RFPL3: variants seen among roughly 807,000 people sequenced by gnomAD.
RFPL3 encodes the protein ret finger protein like 3.
A neutral mutation model predicts 8.7 loss-of-function variants in RFPL3; 8 were observed. The ratio of observed to expected loss-of-function variants is 0.92; its 90% CI spans 0.54 to 1.66. RFPL3 has a LOEUF of 1.66. Ranked by LOEUF, RFPL3 falls within the 40% of genes most tolerant of loss-of-function variation. The pLI is 0.00. For synonymous variants in RFPL3, 145 were observed against 150.5 expected, an observed-to-expected ratio of 0.96 and a Z score of 0.27; for missense variants, 341 against 395.0, an observed-to-expected ratio of 0.86 and a Z score of 1.16.
At chr22:32,358,474 C>T in intron 1 of RFPL3, 30 bp downstream of exon 1, 8 of 1,585,866 alleles carry the variant, frequency 5.0e-6, no homozygotes, top group Non-Finnish European at 6.9e-6. Flanking sequence ...TGCCCCCTTC[C>T]CAAGACCAGA....
At chr22:32,359,373 A>G (rs1173710875) in intron 1 of RFPL3, among the ~76,000 whole-genome samples, 2 of 152,158 alleles carry the variant, frequency 1.3e-5, no homozygotes, top group African/African-American at 2.4e-5. Flanking sequence ...AATCTATATT[A>G]GTGATCATAT....
chr22:32,357,474 T>C (rs973986162), upstream of RFPL3, among the ~76,000 whole-genome samples: 1 of 148,062 alleles, frequency 6.8e-6, no homozygotes, highest in Non-Finnish European at 1.5e-5. Flanking sequence ...CCAGCCCCCT[T>C]TTTTTTTTTT....
At position 32,357,992 on chromosome 22, in the gene RFPL3, G is replaced by C; in HGVS notation, c.-80G>C. 1 of 1,562,464 alleles carries C rather than the reference G, an allele frequency of 6.4e-7. No homozygotes were observed. Among genetic ancestry groups the C allele is most frequent in the Non-Finnish European group, 8.7e-7 (1 of 1,154,542 alleles). On this transcript the variant is annotated 5_prime_UTR_variant, in exon 1 of 2. Transcript: ENST00000249007. ...AGAACTTCAAATCTCTGAGGACGGG[G>C]GGTGGGGGGATGTGCTTGAGTGTTT...
At chr22:32,357,384 C>T (rs113965357), upstream of RFPL3, among the ~76,000 whole-genome samples, 190 of 152,000 alleles carry the variant, frequency 1.3e-3, no homozygotes, top group African/African-American at 4.3e-3. Context: ...TGTCCAGACT[C>T]GTCTCAAATT....
At chr22:32,357,755 T>G (rs2899184), upstream of RFPL3, 1 of 818,268 alleles carries the variant, frequency 1.2e-6, no homozygotes, top group Non-Finnish European at 1.6e-6. Flanking sequence ...GCATGAGCCA[T>G]CGTGCCCAGC....
In RFPL3 at chr22:32,360,693, G is replaced by A; in HGVS notation, c.815G>A (p.Ser272Asn). ...GGTTCCCATGTCTATACATTCAGGA[G>A]CGTCTCTGCTGAGGAGCCACTGCGC... Reference protein sequence around the residue: ...ESGSHVYTFRSVSAEEPLRPF... With the variant: ...ESGSHVYTFRNVSAEEPLRPF... Residue 272 changes from serine (S) to asparagine (N), a missense_variant, in exon 2 of 2, where the codon AGC becomes AAC. Ser to Asn is a conservative substitution (Grantham distance 46). Coordinates refer to ENST00000249007, the MANE Select transcript of RFPL3 (RefSeq NM_001098535.1). 6.2e-7 allele frequency: 1 copy of A among 1,614,054 alleles called. No individual in the cohort carries two copies. Among genetic ancestry groups the A allele is most frequent in the Non-Finnish European group, 8.5e-7 (1 of 1,179,956 alleles).
chr22:32,359,672 T>G (rs5754012), intron 1 of RFPL3, among the ~76,000 whole-genome samples: 10,879 of 152,230 alleles, frequency 0.071, 827 homozygotes, highest in East Asian at 0.46. Flanking sequence ...TAGAAAACAT[T>G]CTTTCATCTA....
intron 1 of RFPL3, 132 bp from the exon 2 acceptor site, chr22:32,360,120 A>G (rs1488612646): frequency 1.6e-6 from 2 of 1,229,676 alleles, no homozygotes; most frequent in East Asian, 5.0e-5. Context: ...TCCTCATGAA[A>G]AGTTTTGATT....
chr22:32,358,508 T>C, intron 1 of RFPL3, 64 bp downstream of exon 1: 1 of 1,541,754 alleles, frequency 6.5e-7, no homozygotes, highest in Non-Finnish European at 8.7e-7. Context: ...TCTGTGCAGT[T>C]GGCCCCTCAT....
chr22:32,360,843 CAA>C lies in RFPL3; in HGVS notation c.*19_*20del, dbSNP rs67352955. On this transcript the variant is annotated 3_prime_UTR_variant, in exon 2 of 2. Transcript: ENST00000249007. ...GGGGAGGCCAAATAAGCCGCCACTG[CAA>C]AAAAAAACAGGGTCAGAAAATTACT... 2.0e-6 allele frequency: 3 copies of C among 1,467,656 alleles called. No individual in the cohort carries two copies. The highest frequency in any genetic ancestry group is 2.4e-5 in the Admixed American group (1 of 41,824). The allele number at this position is 1,467,656 out of a possible 1,614,324, so 90.9% of individuals were successfully genotyped here. A position where few individuals can be genotyped will look rare whatever the true frequency, so the allele number is the denominator to read the frequency against.
In RFPL3 at chr22:32,360,322, A is replaced by C; in HGVS notation, c.444A>C (p.Arg148=). The C allele has an allele frequency of 6.2e-7, 1 of 1,613,920 alleles. No homozygotes were observed. Among genetic ancestry groups the C allele is most frequent in the Non-Finnish European group, 8.5e-7 (1 of 1,179,868 alleles). ...LLISDDLRSV[R]SGLITQNRQD... The stretch of plus-strand genomic sequence containing the variant: ...TTTCTGACGACCTCAGGAGCGTCCG[A>C]AGTGGGCTCATCACACAGAATCGGC... Residue 148 remains arginine (R), a synonymous_variant, in exon 2 of 2, where the codon CGA becomes CGC. Transcript: ENST00000249007.
chr22:32,360,843 CA>C lies in RFPL3; in HGVS notation c.*20del, dbSNP rs67352955. Reference sequence around the variant, plus strand: ...GGGGAGGCCAAATAAGCCGCCACTGCAAAAAAAAACAGGGTCAGAAAATTAC... The same window carrying C: ...GGGGAGGCCAAATAAGCCGCCACTGCAAAAAAAACAGGGTCAGAAAATTAC... On this transcript the variant is annotated 3_prime_UTR_variant, in exon 2 of 2. Transcript: ENST00000249007. 104,688 of 1,466,806 alleles carry C rather than the reference CA, an allele frequency of 0.071. 7,697 individuals are homozygous for C. Among genetic ancestry groups the C allele is most frequent in the East Asian group, 0.48 (20,551 of 43,164 alleles). 90.9% of individuals were successfully genotyped at this position (1,466,806 alleles called of 1,614,324 possible). A position where few individuals can be genotyped will look rare whatever the true frequency, so the allele number is the denominator to read the frequency against.
At chr22:32,357,861 G>A (rs1189472887), upstream of RFPL3, 6 of 1,434,834 alleles carry the variant, frequency 4.2e-6, no homozygotes, top group East Asian at 2.5e-5. Flanking sequence ...TCCTCACATG[G>A]GTGCTGCCAC....
At chr22:32,359,898 C>T in intron 1 of RFPL3, 1 of 256,756 alleles carries the variant, frequency 3.9e-6, no homozygotes. Context: ...TAATATTGAC[C>T]ACTTGCATTG....
chr22:32,361,038 G>A lies in RFPL3; in HGVS notation c.*206G>A, dbSNP rs1473232314. The A allele has an allele frequency of 6.8e-5, 31 of 456,286 alleles. No individual in the cohort carries two copies. The highest frequency in any genetic ancestry group is 5.8e-4 in the Middle Eastern group (1 of 1,712). The allele number at this position is 456,286 out of a possible 1,614,324, so 28.3% of individuals were successfully genotyped here. ...CATTGAGTCTTATGGTTCACATCTT[G>A]TTTCCTATAGAAATGTTCTGTATTC... On this transcript the variant is annotated 3_prime_UTR_variant, in exon 2 of 2. Transcript: ENST00000249007.
upstream of RFPL3, among the ~76,000 whole-genome samples, chr22:32,356,223 G>A (rs1932663209): frequency 6.6e-6 from 1 of 152,052 alleles, no homozygotes; most frequent in Admixed American, 6.5e-5. Flanking sequence ...GTGGGTAGAG[G>A]GTCTTGACTA....
At chr22:32,359,154 GCTT>G (rs1178147182) in intron 1 of RFPL3, among the ~76,000 whole-genome samples, 6 of 152,172 alleles carry the variant, frequency 3.9e-5, no homozygotes, top group Non-Finnish European at 7.3e-5. Context: ...GACACTGGTA[GCTT>G]CTGCCCTGAC....
chr22:32,356,436 T>C (rs1025317451), upstream of RFPL3, among the ~76,000 whole-genome samples: 1 of 152,106 alleles, frequency 6.6e-6, no homozygotes, highest in Non-Finnish European at 1.5e-5. Context: ...CCCGGGCTGC[T>C]ATCCAACAGG....
upstream of RFPL3, among the ~76,000 whole-genome samples, chr22:32,357,536 G>C (rs1377786265): frequency 6.6e-6 from 1 of 150,970 alleles, no homozygotes; most frequent in Non-Finnish European, 1.5e-5. Context: ...GCACAATCTT[G>C]GCTCAGTGCA....
Sources: gnomAD v4.1 joint callset for allele counts (sites outside exome capture counted in the v4.1 genomes callset) on GRCh38, gnomAD v4.1.1 for gene constraint, MANE v1.5 for transcripts, NCBI Gene and HGNC (gene_info 2026-07-23, HGNC 2026-07-21) for gene names.